Variants in EIF3D observed in about 807,000 individuals in gnomAD.
EIF3D encodes the protein eIF3 p66.
A neutral mutation model predicts 75.4 loss-of-function variants in EIF3D; 10 were observed. The ratio of observed to expected loss-of-function variants is 0.13; its 90% CI spans 0.08 to 0.22. The LOEUF (loss-of-function observed/expected upper bound fraction) is 0.22, where lower values mean the gene tolerates loss of function less well. Among genes scored for constraint, EIF3D ranks in the 10% least tolerant of loss-of-function variants. EIF3D has a pLI of 1.00. For missense variants in EIF3D, 394 were observed against 708.0 expected, an observed-to-expected ratio of 0.56 and a Z score of 5.03; for synonymous variants, 246 against 248.3, an observed-to-expected ratio of 0.99 and a Z score of 0.09.
chr22:36,512,818 A>G (rs757635227), intron 12 of EIF3D: 19 of 537,874 alleles, frequency 3.5e-5, no homozygotes, highest in Non-Finnish European at 5.3e-5. Context: ...CTCTCTTCTA[A>G]AAGCTCGCCT....
chr22:36,524,841 G>C (rs1934571041), intron 3 of EIF3D, 109 bp from the exon 4 acceptor site: 4 of 1,411,650 alleles, frequency 2.8e-6, no homozygotes, highest in Non-Finnish European at 3.9e-6. Context: ...CTGTAGCATT[G>C]GCTGAAAGCT....
At chr22:36,512,297 CTGTT>C (rs1219785244) in intron 13 of EIF3D, among the ~76,000 whole-genome samples, 159 bp downstream of exon 13, 3 of 152,206 alleles carry the variant, frequency 2.0e-5, no homozygotes, top group Admixed American at 6.5e-5. Flanking sequence ...AGCATGCCTG[CTGTT>C]TGGCATTTGT....
At chr22:36,524,824 T>C (rs1934570591) in intron 3 of EIF3D, 92 bp from the exon 4 acceptor site, 2 of 1,535,588 alleles carry the variant, frequency 1.3e-6, no homozygotes, top group Non-Finnish European at 8.9e-7. Flanking sequence ...AAGTGTGGTC[T>C]TGAGACCTGT....
At position 36,511,528 on chromosome 22, in the gene EIF3D, C is replaced by T. The variant is rs1934335686; in HGVS notation, c.1608G>A (p.Glu536=). Residue 536 remains glutamate, a synonymous_variant, in exon 14 of 15, where the codon GAG becomes GAA. Transcript: ENST00000216190. ...CTTCTTCTTCCTCTTCTTCCTCCTC[C>T]TCTTCCTCCTCATCTTCATCAGAGC... ...TFSSDEDEEE[E]EEEEEEEEEE... The T allele has an allele frequency of 6.2e-7, 1 of 1,613,968 alleles. No individual in the cohort carries two copies. The highest frequency in any genetic ancestry group is 2.2e-5 in the East Asian group (1 of 44,884).
chr22:36,521,548 A>G (rs1934513172), intron 6 of EIF3D, among the ~76,000 whole-genome samples: 1 of 151,860 alleles, frequency 6.6e-6, no homozygotes, highest in Admixed American at 6.6e-5. Flanking sequence ...GTGAAAAACA[A>G]CTCAAATGTT....
At chr22:36,523,604 G>A (rs1186429679) in intron 5 of EIF3D, among the ~76,000 whole-genome samples, 1 of 152,142 alleles carries the variant, frequency 6.6e-6, no homozygotes, top group African/African-American at 2.4e-5. Context: ...GGGCTTCCTA[G>A]AGTTGACCCA....
Position 36,516,719 on chromosome 22 carries a change from G to A in EIF3D, c.1062C>T (p.Ala354=), listed in dbSNP as rs1217958438. The change falls in exon 11 of 15, where the codon GCC becomes GCT. Residue 354 remains alanine (A), a synonymous_variant. Coordinates refer to ENST00000216190, the MANE Select transcript of EIF3D (RefSeq NM_003753.4). The part of the protein sequence containing the change: ...VEDDMDKNEI[A]SVAYRYRRWK... ...AGGTGACCTACCGGTACGCAACAGA[G>A]GCGATTTCATTCTTATCCATGTCGT... The A allele has an allele frequency of 3.1e-6, 5 of 1,614,122 alleles. No individual in the cohort carries two copies. In the African/African-American group the frequency reaches 4.0e-5, roughly 13 times the overall value.
chr22:36,520,793 G>A (rs184984194), intron 6 of EIF3D, 105 bp from the exon 7 acceptor site: 2 of 705,342 alleles, frequency 2.8e-6, no homozygotes, highest in Non-Finnish European at 4.6e-6. Context: ...AGTGGCTCAT[G>A]CCTGTAGTCC....
Position 36,511,799 on chromosome 22 carries a change from G to A in EIF3D, c.1350-13C>T. On this transcript the variant is annotated splice_polypyrimidine_tract_variant and intron_variant, in intron 13 of 14. Transcript: ENST00000216190. ...CCGAGACACATAACTAACAGGGGAA[G>A]GGATATCAGTGGTCAGAGCAGGGCA... 6.2e-7 allele frequency: 1 copy of A among 1,609,568 alleles called. No homozygotes were observed. The highest frequency in any genetic ancestry group is 8.5e-7 in the Non-Finnish European group (1 of 1,176,840).
chr22:36,519,367 T>G, intron 8 of EIF3D, 38 bp downstream of exon 8: 2 of 1,612,130 alleles, frequency 1.2e-6, no homozygotes, highest in East Asian at 4.5e-5. Context: ...CCGACAGCAT[T>G]CCTAACAAGG....
intron 10 of EIF3D, 117 bp from the exon 11 acceptor site, chr22:36,516,907 G>A: frequency 1.1e-6 from 1 of 932,608 alleles, no homozygotes; most frequent in Non-Finnish European, 1.7e-6. Context: ...TGGGGCCCTT[G>A]ATGGGGCTCT....
In EIF3D at chr22:36,515,488, G is replaced by A. The variant is rs550698736; in HGVS notation, c.1206+990C>T. Among the ~76,000 whole-genome samples the A allele has an allele frequency of 1.7e-4, 26 of 152,158 alleles. No individual in the cohort carries two copies. In the East Asian group the frequency reaches 2.7e-3, roughly 16 times the overall value. On this transcript the variant is annotated intron_variant, in intron 12 of 14. Transcript: ENST00000216190. ...GGTTGCAGTGAGCCGAGATCGCACC[G>A]TTGCACTCCAGCCTGGGCAACAAGA...
Position 36,511,773 on chromosome 22 carries a change from A to G in EIF3D, c.1363T>C (p.Tyr455His), listed in dbSNP as rs768056132. The G allele has an allele frequency of 1.9e-6, 3 of 1,612,804 alleles. No homozygotes were observed. Among genetic ancestry groups the G allele is most frequent in the Non-Finnish European group, 2.5e-6 (3 of 1,178,980 alleles). The change falls in exon 14 of 15, where the codon TAC (tyrosine) becomes CAC (histidine). Residue 455 changes from tyrosine to histidine, a missense_variant. Physicochemically the swap from Tyr to His is moderately conservative, Grantham distance 83. Transcript: ENST00000216190. ...TGGCGTGAGGAGTCTTTCACGTGGT[A>G]CCGAGACACATAACTAACAGGGGAA... ...EYLKLGYVSR[Y>H]HVKDSSRHVI...
chr22:36,520,532 CA>C, intron 7 of EIF3D, 43 bp downstream of exon 7: 1 of 1,407,258 alleles, frequency 7.1e-7, no homozygotes, highest in Non-Finnish European at 1.0e-6. Flanking sequence ...AGCTGGTCCA[CA>C]CACATAAGAG....
At chr22:36,511,247 T>C (rs911025583) in intron 14 of EIF3D, 1 of 828,560 alleles carries the variant, frequency 1.2e-6, no homozygotes, top group East Asian at 2.7e-5. Context: ...GGCTTCAATC[T>C]GGGACTTCCC....
rs999242162 is a variant in EIF3D, at chr22:36,516,528, C to T, written c.1156G>A (p.Gly386Arg). 2 of 1,614,042 alleles carry T rather than the reference C, an allele frequency of 1.2e-6. No individual in the cohort carries two copies. Among genetic ancestry groups the T allele is most frequent in the Non-Finnish European group, 1.7e-6 (2 of 1,180,028 alleles). ...TTGATGTTGATGAAGGACACTTCCC[C>T]GTTGGCTCCAGTCATGACGCCATCG... ...EHDGVMTGAN[G>R]EVSFINIKTL... The change falls in exon 12 of 15, where the codon GGG becomes AGG. Residue 386 changes from glycine to arginine, a missense_variant. By Grantham distance (125) the Gly-to-Arg change is moderately radical. Coordinates refer to ENST00000216190, the MANE Select transcript of EIF3D (RefSeq NM_003753.4).
chr22:36,520,936 C>T (rs890231935), intron 6 of EIF3D, among the ~76,000 whole-genome samples: 2 of 151,598 alleles, frequency 1.3e-5, no homozygotes, highest in South Asian at 2.1e-4. Flanking sequence ...CCACATAAAA[C>T]GGAGGGGCTC....
Position 36,510,951 on chromosome 22 carries a change from C to T in EIF3D, c.*36G>A, listed in dbSNP as rs768727725. ...TAAGCATCAAAGGCCCTCGTAGTCT[C>T]GGTGGAAGGACAAACTCCAGCTCCA... is the stretch of plus-strand genomic sequence containing the variant. On this transcript the variant is annotated 3_prime_UTR_variant, in exon 15 of 15. Coordinates refer to ENST00000216190, the MANE Select transcript of EIF3D (RefSeq NM_003753.4). The T allele has an allele frequency of 2.6e-5, 41 of 1,593,524 alleles. No homozygotes were observed. Among genetic ancestry groups the T allele is most frequent in the African/African-American group, 2.5e-4 (18 of 73,380 alleles).
At position 36,524,583 on chromosome 22, in the gene EIF3D, G is replaced by A. The variant is rs760226621; in HGVS notation, c.306+13C>T. 5.0e-6 allele frequency: 8 copies of A among 1,614,058 alleles called. No individual in the cohort carries two copies. On this transcript the variant is annotated intron_variant, in intron 4 of 14. Transcript: ENST00000216190. The stretch of plus-strand genomic sequence containing the variant: ...CAGCCCCAAGATGGTGTGGTTGCTG[G>A]CTCTTGGCCTACCTGGGCAAATCTC...
Sources: allele counts gnomAD v4.1 joint callset (sites outside exome capture counted in the v4.1 genomes callset), GRCh38; gene constraint gnomAD v4.1.1; transcripts MANE v1.5; gene names NCBI Gene and HGNC (gene_info 2026-07-23, HGNC 2026-07-21).